Variants in RAB3IP observed in about 807,000 individuals in gnomAD.
The protein encoded by RAB3IP is rab-3A-interacting protein.
In RAB3IP, 36 loss-of-function variants were observed where a neutral mutation model predicts 59.1. That is an observed-to-expected ratio of 0.61 (90% CI 0.47 to 0.80). The LOEUF (loss-of-function observed/expected upper bound fraction) is 0.80, where lower values mean the gene tolerates loss of function less well. RAB3IP is among the 30% of genes least tolerant of loss of function. RAB3IP has a pLI of 0.00. For synonymous variants in RAB3IP, 207 were observed against 191.2 expected, an observed-to-expected ratio of 1.08 and a Z score of -0.68; for missense variants, 511 against 536.0, an observed-to-expected ratio of 0.95 and a Z score of 0.46.
intron 3 of RAB3IP, among the ~76,000 whole-genome samples, chr12:69,775,460 G>C (rs1329106665): frequency 1.1e-5 from 1 of 87,604 alleles, no homozygotes; most frequent in Non-Finnish European, 2.2e-5. Flanking sequence ...TTGAATAGGA[G>C]CGGTGAGAGA....
At chr12:69,747,014 A>G (rs1207110516) in intron 1 of RAB3IP, among the ~76,000 whole-genome samples, 9 of 152,356 alleles carry the variant, frequency 5.9e-5, no homozygotes, top group African/African-American at 2.2e-4. Flanking sequence ...AAACAAAATT[A>G]TACTACAGGA....
Position 69,755,487 on chromosome 12 carries a change from G to A in RAB3IP, c.79G>A (p.Glu27Lys). 1.2e-6 allele frequency: 2 copies of A among 1,614,096 alleles called. No individual in the cohort carries two copies. Among genetic ancestry groups the A allele is most frequent in the Non-Finnish European group, 1.7e-6 (2 of 1,180,004 alleles). ...PTSPDLLGVY[E>K]SGTQEQTTSP... ...TTCTCCGGACCTTCTTGGTGTGTAT[G>A]AATCAGGAACTCAAGAGCAGACTAC... Residue 27 changes from glutamate to lysine, a missense_variant, in exon 2 of 11, where the codon GAA becomes AAA. Glu to Lys is a moderately conservative substitution (Grantham distance 56). Transcript: ENST00000247833.
At chr12:69,742,995 G>A in intron 1 of RAB3IP, among the ~76,000 whole-genome samples, 1 of 152,202 alleles carries the variant, frequency 6.6e-6, no homozygotes, top group East Asian at 1.9e-4. Flanking sequence ...AAGATTTGAT[G>A]CTTGTCGTTA....
chr12:69,757,682 A>G (rs1419985957), intron 3 of RAB3IP, among the ~76,000 whole-genome samples: 1 of 152,082 alleles, frequency 6.6e-6, no homozygotes, highest in Non-Finnish European at 1.5e-5. Context: ...TCCCTAGCAT[A>G]CTTGTCTCTC....
intron 3 of RAB3IP, among the ~76,000 whole-genome samples, chr12:69,772,581 G>A (rs1272395534): frequency 2.0e-5 from 3 of 152,002 alleles, no homozygotes; most frequent in African/African-American, 7.3e-5. Context: ...GTAGGATTTT[G>A]CTTTGTGGTT....
chr12:69,804,056 TCC>T (rs1259465282), intron 8 of RAB3IP, among the ~76,000 whole-genome samples: 1 of 152,134 alleles, frequency 6.6e-6, no homozygotes, highest in South Asian at 2.1e-4. Context: ...TAGTTCTAGA[TCC>T]CTGAGGAATC....
intron 8 of RAB3IP, among the ~76,000 whole-genome samples, chr12:69,810,465 C>T (rs1204823746): frequency 6.6e-6 from 1 of 152,214 alleles, no homozygotes; most frequent in Non-Finnish European, 1.5e-5. Context: ...CTGTGTGGCT[C>T]ACGCTGGGAG....
chr12:69,795,846 T>G (rs1207958660), intron 6 of RAB3IP: 1 of 158,154 alleles, frequency 6.3e-6, no homozygotes, highest in Non-Finnish European at 1.4e-5. Context: ...GACATAAGGC[T>G]GGAAGACATT....
At chr12:69,760,143 C>G (rs574913118) in intron 3 of RAB3IP, among the ~76,000 whole-genome samples, 1 of 152,236 alleles carries the variant, frequency 6.6e-6, no homozygotes, top group Non-Finnish European at 1.5e-5. Context: ...CTCGGGAGGC[C>G]GAGGCTGGCG....
intron 6 of RAB3IP, among the ~76,000 whole-genome samples, chr12:69,797,442 C>T (rs866711001): frequency 1.7e-4 from 25 of 145,428 alleles, no homozygotes; most frequent in Non-Finnish European, 1.3e-4. Context: ...ATACCACTTA[C>T]CTGCTTTGGG....
intron 3 of RAB3IP, among the ~76,000 whole-genome samples, chr12:69,770,370 G>A (rs573001590): frequency 1.3e-5 from 2 of 152,092 alleles, no homozygotes; most frequent in Admixed American, 6.5e-5. Context: ...ACATTCTCCT[G>A]TATACTTTAA....
intron 3 of RAB3IP, among the ~76,000 whole-genome samples, chr12:69,781,962 G>A (rs528523848): frequency 2.0e-5 from 3 of 152,208 alleles, no homozygotes; most frequent in Non-Finnish European, 4.4e-5. Context: ...ATCTTCCAAA[G>A]TAGCTTTCCC....
chr12:69,810,597 C>T (rs764035974), intron 8 of RAB3IP, among the ~76,000 whole-genome samples: 14 of 151,504 alleles, frequency 9.2e-5, no homozygotes, highest in African/African-American at 2.4e-5. Context: ...CAACTGAAGG[C>T]CTAGAAACAA....
chr12:69,800,203 T>G lies in RAB3IP; in HGVS notation c.889-6T>G. On this transcript the variant is annotated splice_region_variant and splice_polypyrimidine_tract_variant and intron_variant, in intron 6 of 10. Transcript: ENST00000247833. ...CATGTTTTTGTGTTTTCCTTTGGTT[T>G]GTTAGGCTGACTTATCCTTGTATAA... 1 of 1,516,534 alleles carries G rather than the reference T, an allele frequency of 6.6e-7. No individual in the cohort carries two copies. Among genetic ancestry groups the G allele is most frequent in the East Asian group, 2.5e-5 (1 of 40,554 alleles). The allele number at this position is 1,516,534 out of a possible 1,614,324, so 93.9% of individuals were successfully genotyped here. A position where few individuals can be genotyped will look rare whatever the true frequency, so the allele number is the denominator to read the frequency against.
intron 8 of RAB3IP, among the ~76,000 whole-genome samples, chr12:69,805,255 GC>G (rs1879060081): frequency 6.6e-6 from 1 of 152,076 alleles, no homozygotes; most frequent in African/African-American, 2.4e-5. Flanking sequence ...TCTCTTTGAA[GC>G]AGTTGTGAAT....
rs185629451 is a variant in RAB3IP, at chr12:69,769,161, G to C, written c.510+12498G>C. On this transcript the variant is annotated intron_variant, in intron 3 of 10. Transcript: ENST00000247833. The stretch of plus-strand genomic sequence containing the variant: ...AAGCCTCCTCAGCAATGTGGGAACT[G>C]TAAGTCCGTTAAACCTCTTTCTTTC... 8.4e-4 allele frequency among the ~76,000 whole-genome samples: 128 copies of C among 152,304 alleles called. 1 individual carries two copies. Among genetic ancestry groups the C allele is most frequent in the African/African-American group, 2.7e-3 (113 of 41,560 alleles).
Position 69,815,572 on chromosome 12 carries a change from C to G in RAB3IP, c.*126C>G. On this transcript the variant is annotated 3_prime_UTR_variant, in exon 11 of 11. Transcript: ENST00000247833. ...CTTTTTTCCCCTTTTGCAAATTGCT[C>G]TAAGAAGTACCATGATTTCTTTTAA... The G allele has an allele frequency of 1.6e-6, 1 of 631,498 alleles. No individual in the cohort carries two copies. The highest frequency in any genetic ancestry group is 2.8e-5 in the East Asian group (1 of 36,026). The allele number at this position is 631,498 out of a possible 1,614,324, so 39.1% of individuals were successfully genotyped here. A position where few individuals can be genotyped will look rare whatever the true frequency, so the allele number is the denominator to read the frequency against.
intron 3 of RAB3IP, among the ~76,000 whole-genome samples, chr12:69,759,970 G>C (rs1871025828): frequency 1.3e-5 from 2 of 150,638 alleles, no homozygotes; most frequent in African/African-American, 5.0e-5. Context: ...TCACTTCCCA[G>C]ACGGGGTGGC....
intron 3 of RAB3IP, among the ~76,000 whole-genome samples, chr12:69,775,369 T>C (rs938197541): frequency 7.0e-6 from 1 of 142,056 alleles, no homozygotes. Flanking sequence ...CAGGGACAAT[T>C]TGACTTCCTC....
Sources: allele counts gnomAD v4.1 joint callset (sites outside exome capture counted in the v4.1 genomes callset), GRCh38; gene constraint gnomAD v4.1.1; transcripts MANE v1.5; gene names NCBI Gene and HGNC (gene_info 2026-07-23, HGNC 2026-07-21).